PDSS1: variants seen among roughly 807,000 people sequenced by gnomAD.
The protein encoded by PDSS1 is all trans-polyprenyl-diphosphate synthase PDSS1.
A neutral mutation model predicts 57.5 loss-of-function variants in PDSS1; 43 were observed. The ratio of observed to expected loss-of-function variants is 0.75; its 90% CI spans 0.59 to 0.96. PDSS1 has a LOEUF of 0.96. Ranked by LOEUF, PDSS1 falls within the 50% of genes least tolerant of loss-of-function variation. The pLI is 0.00. For missense variants in PDSS1, 438 were observed against 527.8 expected, an observed-to-expected ratio of 0.83 and a Z score of 1.67; for synonymous variants, 175 against 191.3, an observed-to-expected ratio of 0.91 and a Z score of 0.70.
At chr10:26,734,577 A>G (rs1836324511) in intron 8 of PDSS1, 2 of 427,972 alleles carry the variant, frequency 4.7e-6, no homozygotes, top group Non-Finnish European at 9.3e-6. Context: ...AAGGGTTTTT[A>G]TACAGTTACT....
intron 10 of PDSS1, among the ~76,000 whole-genome samples, chr10:26,739,742 C>T (rs1463649876): frequency 6.6e-6 from 1 of 152,216 alleles, no homozygotes; most frequent in Non-Finnish European, 1.5e-5. Context: ...TGGCTCACGT[C>T]CATAATCCCA....
intron 8 of PDSS1, among the ~76,000 whole-genome samples, chr10:26,728,774 C>CTTTTTTTTTT (rs33930147): frequency 2.4e-5 from 2 of 84,570 alleles, no homozygotes; most frequent in African/African-American, 4.7e-5. Context: ...TATTCTGTAT[C>CTTTTTTTTTT]TTTTTTTTTT....
At chr10:26,702,450 G>A (rs1206842792) in intron 2 of PDSS1, among the ~76,000 whole-genome samples, 5 of 152,106 alleles carry the variant, frequency 3.3e-5, no homozygotes, top group Non-Finnish European at 5.9e-5. Context: ...TTGTTATAGC[G>A]AATTCTTATG....
intron 1 of PDSS1, among the ~76,000 whole-genome samples, chr10:26,698,850 A>G (rs2209350): frequency 0.32 from 48,884 of 152,190 alleles, 8,188 homozygotes; most frequent in East Asian, 0.42. Context: ...TGGGCCAGGC[A>G]CAGTGGCTCA....
intron 8 of PDSS1, among the ~76,000 whole-genome samples, chr10:26,732,938 G>A (rs1253160727): frequency 3.9e-5 from 6 of 152,020 alleles, no homozygotes; most frequent in South Asian, 2.1e-4. Flanking sequence ...CTGAAACCCC[G>A]TCTCTACTAA....
At chr10:26,723,990 A>G (rs779208796) in intron 7 of PDSS1, 24 bp from the exon 8 acceptor site, 2 of 1,602,460 alleles carry the variant, frequency 1.2e-6, no homozygotes, top group Non-Finnish European at 8.6e-7. Flanking sequence ...CCACCTCTCA[A>G]ATGACTCCTT....
intron 8 of PDSS1, among the ~76,000 whole-genome samples, chr10:26,724,528 A>G (rs752847579): frequency 6.6e-6 from 1 of 152,168 alleles, no homozygotes; most frequent in East Asian, 1.9e-4. Context: ...TCAGGAAAAG[A>G]TATCTGTTAG....
chr10:26,730,232 C>T (rs1836133144), intron 8 of PDSS1, among the ~76,000 whole-genome samples: 1 of 151,200 alleles, frequency 6.6e-6, no homozygotes, highest in Admixed American at 6.6e-5. Context: ...CATTTTTATT[C>T]CACTTTAGGG....
intron 5 of PDSS1, chr10:26,717,911 C>T (rs1835647635): frequency 6.6e-6 from 1 of 151,862 alleles, no homozygotes. Flanking sequence ...GAAGATAGGG[C>T]CTAGTAAATT....
rs146269922 is a variant in PDSS1, at chr10:26,727,059, C to CAAAAA, written c.831+2942_831+2946dup. Among the ~76,000 whole-genome samples the CAAAAA allele has an allele frequency of 1.1e-3, 75 of 66,116 alleles. 1 individual carries two copies. Among genetic ancestry groups the CAAAAA allele is most frequent in the African/African-American group, 3.5e-3 (68 of 19,704 alleles). 43.4% of individuals were successfully genotyped at this position (66,116 alleles called of 152,430 possible). On this transcript the variant is annotated intron_variant, in intron 8 of 11. Transcript: ENST00000376215. ...CCTGGGCAATAGAGCGAGAGTCTCT[C>CAAAAA]AAAAAAAAAACAAACAAACCAGAAT...
At chr10:26,743,317 C>T (rs1195244810) in intron 11 of PDSS1, among the ~76,000 whole-genome samples, 7 of 152,100 alleles carry the variant, frequency 4.6e-5, no homozygotes, top group South Asian at 2.1e-4. Context: ...CTGGATGAGT[C>T]GGAGTGAGCA....
chr10:26,708,377 T>A (rs554944129), intron 4 of PDSS1, among the ~76,000 whole-genome samples: 2 of 152,332 alleles, frequency 1.3e-5, no homozygotes, highest in South Asian at 4.1e-4. Context: ...ATCAGAACCC[T>A]GTTTAGGCTT....
chr10:26,729,277 G>A (rs977577793), intron 8 of PDSS1, among the ~76,000 whole-genome samples: 1 of 152,122 alleles, frequency 6.6e-6, no homozygotes, highest in Admixed American at 6.5e-5. Context: ...GTGGAAAATG[G>A]TGTTAAGAAA....
chr10:26,705,424 GT>G (rs1835180461), intron 4 of PDSS1, 30 bp downstream of exon 4: 1 of 1,013,136 alleles, frequency 9.9e-7, no homozygotes, highest in Non-Finnish European at 1.5e-6. Context: ...GTGATGTAAT[GT>G]TTTAGCTTAC....
At chr10:26,742,276 T>C (rs575082070) in intron 10 of PDSS1, among the ~76,000 whole-genome samples, 1 of 152,380 alleles carries the variant, frequency 6.6e-6, no homozygotes, top group East Asian at 1.9e-4. Context: ...ACTAATGTCT[T>C]CTCCTCCCAT....
At chr10:26,706,984 G>A (rs977965978) in intron 4 of PDSS1, among the ~76,000 whole-genome samples, 3 of 143,802 alleles carry the variant, frequency 2.1e-5, no homozygotes, top group African/African-American at 7.5e-5. Flanking sequence ...ACTTGTAAGA[G>A]GGCCAAGCTG....
At chr10:26,735,185 G>C (rs1836348930) in intron 8 of PDSS1, 55 bp from the exon 9 acceptor site, 2 of 1,255,670 alleles carry the variant, frequency 1.6e-6, no homozygotes, top group Non-Finnish European at 2.3e-6. Flanking sequence ...CCAGGGGTCA[G>C]CTGCTTTGTT....
chr10:26,734,007 G>A (rs1836304324), intron 8 of PDSS1, among the ~76,000 whole-genome samples: 1 of 152,174 alleles, frequency 6.6e-6, no homozygotes, highest in South Asian at 2.1e-4. Flanking sequence ...CACACATTGA[G>A]TTCTAACCAG....
chr10:26,724,613 T>G (rs1835894590), intron 8 of PDSS1, among the ~76,000 whole-genome samples: 1 of 152,168 alleles, frequency 6.6e-6, no homozygotes, highest in African/African-American at 2.4e-5. Flanking sequence ...TCTTTTGCTG[T>G]GTGGCCCAGG....
Sources: allele counts gnomAD v4.1 joint callset (sites outside exome capture counted in the v4.1 genomes callset), GRCh38; gene constraint gnomAD v4.1.1; transcripts MANE v1.5; gene names NCBI Gene and HGNC (gene_info 2026-07-23, HGNC 2026-07-21).